Variants in PPP2R2B observed in about 807,000 individuals in gnomAD.
PPP2R2B encodes protein phosphatase 2 regulatory subunit Bbeta, also known as serine/threonine-protein phosphatase 2A 55 kDa regulatory subunit B beta isoform.
PPP2R2B carries 5 observed loss-of-function variants against 46.0 expected under a neutral mutation model. That is an observed-to-expected ratio of 0.11 (90% CI 0.06 to 0.23). PPP2R2B has a LOEUF of 0.23. Ranked by LOEUF, PPP2R2B falls within the 10% of genes least tolerant of loss-of-function variation. The pLI, the probability that PPP2R2B is intolerant of heterozygous loss-of-function variation, is 1.00. For synonymous variants in PPP2R2B, 215 were observed against 206.7 expected (o/e 1.04, Z -0.34); for missense variants, 367 against 575.0 (o/e 0.64, Z 3.70).
chr5:146,933,920 G>A (rs1764052362), intron 1 of PPP2R2B, among the ~76,000 whole-genome samples: 2 of 148,174 alleles, frequency 1.3e-5, no homozygotes, highest in African/African-American at 5.0e-5. Context: ...CTATGAGTGA[G>A]AACATGCGGT....
chr5:146,961,771 C>G (rs931254008), intron 1 of PPP2R2B, among the ~76,000 whole-genome samples: 12 of 152,062 alleles, frequency 7.9e-5, no homozygotes, highest in Admixed American at 3.9e-4. Context: ...TAAACTTAAG[C>G]AATCCATAGT....
chr5:146,714,702 G>T (rs1303374169), intron 2 of PPP2R2B, among the ~76,000 whole-genome samples: 2 of 152,038 alleles, frequency 1.3e-5, no homozygotes, highest in Non-Finnish European at 2.9e-5. Context: ...CTTCATATAA[G>T]GTTTAACAGG....
chr5:146,800,364 A>C (rs574208552), intron 2 of PPP2R2B, among the ~76,000 whole-genome samples: 1 of 152,208 alleles, frequency 6.6e-6, no homozygotes, highest in African/African-American at 2.4e-5. Context: ...CCAGAATGGC[A>C]TCAAGGTTAG....
At chr5:146,736,667 A>G (rs930657944) in intron 2 of PPP2R2B, among the ~76,000 whole-genome samples, 1 of 152,174 alleles carries the variant, frequency 6.6e-6, no homozygotes, top group African/African-American at 2.4e-5. Context: ...GTACATGGGT[A>G]CATCCCACAA....
intron 6 of PPP2R2B, among the ~76,000 whole-genome samples, chr5:146,648,393 T>C (rs1042255541): frequency 2.0e-5 from 3 of 152,186 alleles, no homozygotes; most frequent in Non-Finnish European, 4.4e-5. Flanking sequence ...GTCTATTCTA[T>C]AAACGAACCT....
intron 4 of PPP2R2B, among the ~76,000 whole-genome samples, chr5:146,692,735 C>T (rs1778937059): frequency 2.6e-5 from 4 of 151,686 alleles, no homozygotes; most frequent in African/African-American, 4.8e-5. Flanking sequence ...GGGGTTTCAC[C>T]GTGTTAGCCA....
At chr5:146,592,456 A>G (rs1191825735) in intron 9 of PPP2R2B, among the ~76,000 whole-genome samples, 1 of 152,248 alleles carries the variant, frequency 6.6e-6, no homozygotes, top group Non-Finnish European at 1.5e-5. Flanking sequence ...ATTGGGAGGT[A>G]TTATGAAGCA....
At chr5:146,925,050 C>T (rs1486623871) in intron 1 of PPP2R2B, among the ~76,000 whole-genome samples, 1 of 152,086 alleles carries the variant, frequency 6.6e-6, no homozygotes, top group Non-Finnish European at 1.5e-5. Context: ...CAATATACTG[C>T]CATTCCCTCT....
chr5:146,620,306 T>C (rs547783899), intron 7 of PPP2R2B, among the ~76,000 whole-genome samples: 2 of 152,282 alleles, frequency 1.3e-5, no homozygotes, highest in Non-Finnish European at 2.9e-5. Flanking sequence ...GTGGGTCTGT[T>C]TGTCTTTCTT....
chr5:147,005,595 G>A (rs923656746), intron 1 of PPP2R2B, among the ~76,000 whole-genome samples: 10 of 152,094 alleles, frequency 6.6e-5, no homozygotes, highest in Non-Finnish European at 1.0e-4. Context: ...CATCAAAAGG[G>A]GAAGGAGAGG....
chr5:146,700,045 G>T (rs1311472567), intron 3 of PPP2R2B, among the ~76,000 whole-genome samples: 3 of 152,160 alleles, frequency 2.0e-5, no homozygotes, highest in Admixed American at 1.3e-4. Context: ...TGCCCTTATA[G>T]AAATTAATTG....
chr5:146,827,787 G>A (rs1758669284), intron 2 of PPP2R2B, among the ~76,000 whole-genome samples: 1 of 152,144 alleles, frequency 6.6e-6, no homozygotes, highest in South Asian at 2.1e-4. Flanking sequence ...GATGACACAA[G>A]CAGTTAATCT....
At position 146,600,183 on chromosome 5, in the gene PPP2R2B, T is replaced by C. The variant is rs1031388413; in HGVS notation, c.960+108A>G. 3.5e-6 allele frequency: 4 copies of C among 1,147,226 alleles called. No homozygotes were observed. In the East Asian group the frequency reaches 9.5e-5, roughly 27 times the overall value. 71.1% of individuals were successfully genotyped at this position (1,147,226 alleles called of 1,614,324 possible). On this transcript the variant is annotated intron_variant, in intron 8 of 9. Transcript: ENST00000394411. ...TACCATTTTACTGAATGTATCACCATGCATTGCCTTCCATTTTGCTGCACT... is the reference window on the plus strand; with the variant it reads ...TACCATTTTACTGAATGTATCACCACGCATTGCCTTCCATTTTGCTGCACT...
chr5:146,727,301 G>A (rs964358507), intron 2 of PPP2R2B, among the ~76,000 whole-genome samples: 1 of 139,082 alleles, frequency 7.2e-6, no homozygotes, highest in African/African-American at 3.1e-5. Flanking sequence ...ATTATGAGAG[G>A]TGTTTTTTTT....
In PPP2R2B at chr5:146,878,190, C is replaced by T; in HGVS notation, c.-119G>A. 6.3e-7 allele frequency: 1 copy of T among 1,589,198 alleles called. No homozygotes were observed. Among genetic ancestry groups the T allele is most frequent in the Non-Finnish European group, 8.6e-7 (1 of 1,167,220 alleles). On this transcript the variant is annotated 5_prime_UTR_variant, in exon 2 of 10. Transcript: ENST00000394411. This position sits in a 1 kb window ranked among gnomAD's most constrained non-coding sequence, Gnocchi z 4.5. ...GGAGCCAGTGGGACTGCACCATGGT[C>T]CGAGCCTGAGGAGGAGACGGGGAGG...
At chr5:146,926,407 G>A (rs917873918) in intron 1 of PPP2R2B, among the ~76,000 whole-genome samples, 1 of 148,566 alleles carries the variant, frequency 6.7e-6, no homozygotes, top group Non-Finnish European at 1.5e-5. Context: ...CTTTTTTTTT[G>A]TTTTCGAGAC....
chr5:146,955,220 T>C (rs540001308), intron 1 of PPP2R2B, among the ~76,000 whole-genome samples: 3 of 152,320 alleles, frequency 2.0e-5, no homozygotes, highest in South Asian at 4.1e-4. Context: ...AGCCCCCAGA[T>C]GATTCTTATG....
upstream of PPP2R2B, among the ~76,000 whole-genome samples, chr5:146,879,488 G>T (rs1762093165): frequency 6.6e-6 from 1 of 152,130 alleles, no homozygotes; most frequent in Admixed American, 6.5e-5. Flanking sequence ...TGCTTGTGCA[G>T]GAACACCTTC....
At chr5:147,020,557 G>A (rs931500948) in intron 1 of PPP2R2B, among the ~76,000 whole-genome samples, 1 of 152,112 alleles carries the variant, frequency 6.6e-6, no homozygotes, top group Admixed American at 6.6e-5. Context: ...AGCAAGAGGA[G>A]GAGACCAGGA....
Sources: gnomAD v4.1 joint callset for allele counts (sites outside exome capture counted in the v4.1 genomes callset) on GRCh38, gnomAD v4.1.1 for gene constraint, Gnocchi (gnomAD v3.1) non-coding constraint, MANE v1.5 for transcripts, NCBI Gene and HGNC (gene_info 2026-07-23, HGNC 2026-07-21) for gene names.